The following AGAP1 variants were observed in gnomAD, a reference collection of about 807,000 sequenced individuals.
AGAP1 encodes arf-GAP with GTPase, ANK repeat and PH domain-containing protein 1.
A neutral mutation model predicts 105.3 loss-of-function variants in AGAP1; 29 were observed. The observed-to-expected ratio is 0.28, with a 90% CI of 0.21 to 0.38. The LOEUF is 0.38. Ranked by LOEUF, AGAP1 falls within the 10% of genes least tolerant of loss-of-function variation. AGAP1 has a pLI of 1.00. For missense variants in AGAP1, 998 were observed against 1,165.1 expected (o/e 0.86, Z 2.09); for synonymous variants, 509 against 485.9 (o/e 1.05, Z -0.63).
chr2:235,554,444 C>T (rs547552107), intron 1 of AGAP1, among the ~76,000 whole-genome samples: 20 of 152,296 alleles, frequency 1.3e-4, no homozygotes, highest in African/African-American at 2.9e-4. Context: ...GGAAAGAAAA[C>T]GCCAGGCCAT....
intron 1 of AGAP1, among the ~76,000 whole-genome samples, chr2:235,657,343 A>C (rs961172790): frequency 2.0e-5 from 3 of 152,106 alleles, no homozygotes; most frequent in Non-Finnish European, 4.4e-5. Context: ...TACACACTGA[A>C]TCTTCCCATT....
chr2:235,821,169 A>G (rs186079288), intron 9 of AGAP1, among the ~76,000 whole-genome samples: 27 of 152,326 alleles, frequency 1.8e-4, no homozygotes, highest in African/African-American at 6.0e-4. Context: ...TCAACAAGCA[A>G]GAAGTTAAAT....
intron 1 of AGAP1, among the ~76,000 whole-genome samples, chr2:235,694,427 C>T (rs939790119): frequency 1.0e-4 from 15 of 148,314 alleles, no homozygotes; most frequent in East Asian, 2.0e-4. Context: ...TGCAGATAGC[C>T]GAGATCGCAC....
At chr2:235,670,932 G>A (rs1455807242) in intron 1 of AGAP1, 2 of 1,322,850 alleles carry the variant, frequency 1.5e-6, no homozygotes, top group East Asian at 3.1e-5. Flanking sequence ...AGGGACGGGG[G>A]CCCGGGCGGC....
Position 235,889,465 on chromosome 2 carries a change from C to T in AGAP1, c.1155+6016C>T, listed in dbSNP as rs935804190. ...ACAAGGGACTTCAGCTGGGTGGTGG[C>T]CCTGGGATGTCACTTTCCTTCCCAC... On this transcript the variant is annotated intron_variant, in intron 10 of 17. Transcript: ENST00000304032. This position sits in a 1 kb window ranked among gnomAD's most constrained non-coding sequence, Gnocchi z 4.6. Among the ~76,000 whole-genome samples the T allele has an allele frequency of 6.6e-6, 1 of 152,034 alleles. No individual in the cohort carries two copies. The highest frequency in any genetic ancestry group is 2.4e-5 in the African/African-American group (1 of 41,380).
At chr2:236,030,555 A>G (rs1291219704) in intron 13 of AGAP1, among the ~76,000 whole-genome samples, 2 of 152,190 alleles carry the variant, frequency 1.3e-5, no homozygotes, top group African/African-American at 4.8e-5. Flanking sequence ...TTGTGCTACC[A>G]AAGGTGTTTG....
chr2:235,801,888 A>G lies in AGAP1; in HGVS notation c.957+2366A>G, dbSNP rs1288244017. Among the ~76,000 whole-genome samples, 1 of 152,014 alleles carries G rather than the reference A, an allele frequency of 6.6e-6. No homozygotes were observed. The highest frequency in any genetic ancestry group is 6.5e-5 in the Admixed American group (1 of 15,272). Reference sequence around the variant, plus strand: ...TTTTAAGGAGAGAAATTTTAAAACCACAAAGTATCTTTAAAAATGAGACTA... The same window carrying G: ...TTTTAAGGAGAGAAATTTTAAAACCGCAAAGTATCTTTAAAAATGAGACTA... On this transcript the variant is annotated intron_variant, in intron 8 of 17. Coordinates refer to ENST00000304032, the MANE Select transcript of AGAP1 (RefSeq NM_001037131.3). The surrounding 1 kb of genome is among the most constrained non-coding windows in gnomAD (Gnocchi z 6.0).
intron 1 of AGAP1, among the ~76,000 whole-genome samples, chr2:235,590,680 T>TGTGTGC (rs1553574142): frequency 3.9e-4 from 46 of 116,562 alleles, no homozygotes; most frequent in Non-Finnish European, 2.0e-4. Context: ...TGTGTGTGTG[T>TGTGTGC]GTGTGCGTGT....
rs930363691 is a variant in AGAP1 at position 236,097,974 on chromosome 2, G to A, written c.2115-22218G>A. On this transcript the variant is annotated intron_variant, in intron 16 of 17. Transcript: ENST00000304032. ...GAGTGTCCTCAAGGCTCATCATGTC[G>A]TAGCAGATATTAGAATTTCTGTCCC... Among the ~76,000 whole-genome samples, 9 of 152,098 alleles carry A rather than the reference G, an allele frequency of 5.9e-5. No homozygotes were observed. In the South Asian group the frequency reaches 6.2e-4, roughly 11 times the overall value.
Position 235,626,397 on chromosome 2 carries a change from A to G in AGAP1, c.164-82782A>G, listed in dbSNP as rs150177567. On this transcript the variant is annotated intron_variant, in intron 1 of 17. Coordinates refer to ENST00000304032, the MANE Select transcript of AGAP1 (RefSeq NM_001037131.3). ...GAATATGGCTGACACTCTCTCCCTCATAAGCTTGCTTGTTCCATTAATGGG... is the reference window on the plus strand; with the variant it reads ...GAATATGGCTGACACTCTCTCCCTCGTAAGCTTGCTTGTTCCATTAATGGG... Among the ~76,000 whole-genome samples the G allele has an allele frequency of 4.8e-3, 726 of 152,312 alleles. 6 individuals carry two copies. The highest frequency in any genetic ancestry group is 0.016 in the African/African-American group (678 of 41,578).
chr2:235,570,811 A>G (rs555144995), intron 1 of AGAP1, among the ~76,000 whole-genome samples: 155 of 152,336 alleles, frequency 1.0e-3, no homozygotes, highest in African/African-American at 3.6e-3. Flanking sequence ...GTGTGACACT[A>G]CGTGTAGGTG....
chr2:235,588,366 C>T (rs1009856535), intron 1 of AGAP1, among the ~76,000 whole-genome samples: 1 of 152,062 alleles, frequency 6.6e-6, no homozygotes, highest in African/African-American at 2.4e-5. Flanking sequence ...GGTTTCTTCT[C>T]CTCCACTTCT....
chr2:235,807,172 CAG>C lies in AGAP1; in HGVS notation c.958-66_958-65del, dbSNP rs368761951. ...TGTGTATTGGCAGGAATTCTGCAAA[CAG>C]GGGCAGAGCCCCGTCTGTGAACCAC... is the stretch of plus-strand genomic sequence containing the variant. On this transcript the variant is annotated intron_variant, in intron 8 of 17. Transcript: ENST00000304032. 2,601 of 1,494,722 alleles carry C rather than the reference CAG, an allele frequency of 1.7e-3. 21 individuals carry two copies. Among genetic ancestry groups the C allele is most frequent in the African/African-American group, 0.014 (985 of 70,628 alleles). The allele number at this position is 1,494,722 out of a possible 1,614,324, so 92.6% of individuals were successfully genotyped here.
intron 11 of AGAP1, among the ~76,000 whole-genome samples, chr2:235,928,606 AGAAGGGATGT>A (rs1397825232): frequency 4.6e-5 from 7 of 152,108 alleles, no homozygotes; most frequent in African/African-American, 7.2e-5. Context: ...AGCAGGGCGG[AGAAGGGATGT>A]GAAGGGATGT....
intron 1 of AGAP1, among the ~76,000 whole-genome samples, chr2:235,650,273 A>G (rs1947537998): frequency 6.6e-6 from 1 of 152,254 alleles, no homozygotes; most frequent in South Asian, 2.1e-4. Context: ...AGACAGGAAA[A>G]ATCACTTGAA....
intron 6 of AGAP1, among the ~76,000 whole-genome samples, chr2:235,786,394 G>T (rs114772156): frequency 0.02 from 3,111 of 152,296 alleles, 98 homozygotes; most frequent in African/African-American, 0.071. Flanking sequence ...AGTCTAGAAA[G>T]CTCTGCTCTT....
At chr2:235,861,552 C>T (rs1041527501) in intron 9 of AGAP1, among the ~76,000 whole-genome samples, 3 of 152,208 alleles carry the variant, frequency 2.0e-5, no homozygotes, top group African/African-American at 7.2e-5. Flanking sequence ...CAAGCTGTCC[C>T]ACGTTAACTG....
rs57069910 is a variant in AGAP1 at position 235,721,477 on chromosome 2, A to ATGTG, written c.310+3857_310+3860dup. ...TTGGATTGACAGATTCCTTAATATT[A>ATGTG]TGTGTGTGTGTGTGTGTGTGTGTGT... On this transcript the variant is annotated intron_variant, in intron 3 of 17. Transcript: ENST00000304032. This position sits in a 1 kb window ranked among gnomAD's most constrained non-coding sequence, Gnocchi z 4.5. Among the ~76,000 whole-genome samples the ATGTG allele has an allele frequency of 0.043, 6,491 of 149,668 alleles. 146 individuals carry two copies. Among genetic ancestry groups the ATGTG allele is most frequent in the Non-Finnish European group, 0.052 (3,498 of 67,336 alleles).
intron 1 of AGAP1, among the ~76,000 whole-genome samples, chr2:235,587,391 A>C (rs978682732): frequency 4.6e-5 from 7 of 152,194 alleles, no homozygotes; most frequent in Non-Finnish European, 8.8e-5. Flanking sequence ...TTCCGAGCTC[A>C]GGGCAGCGGG....
Sources: gnomAD v4.1 joint callset for allele counts (sites outside exome capture counted in the v4.1 genomes callset) on GRCh38, gnomAD v4.1.1 for gene constraint, Gnocchi (gnomAD v3.1) non-coding constraint, MANE v1.5 for transcripts, NCBI Gene and HGNC (gene_info 2026-07-23, HGNC 2026-07-21) for gene names.